Variants in STT3A observed in about 807,000 individuals in gnomAD.
STT3A encodes dolichyl-diphosphooligosaccharide--protein glycosyltransferase subunit STT3A.
In STT3A, 34 loss-of-function variants were observed where a neutral mutation model predicts 89.2. The ratio of observed to expected loss-of-function variants is 0.38; its 90% CI spans 0.29 to 0.51. STT3A has a LOEUF of 0.51. Among genes scored for constraint, STT3A ranks in the 20% least tolerant of loss-of-function variants. STT3A has a pLI of 0.89. For missense variants in STT3A, 555 were observed against 889.5 expected (o/e 0.62, Z 4.78); for synonymous variants, 282 against 310.3 (o/e 0.91, Z 0.96).
chr11:125,598,039 C>T (rs1459620779), intron 3 of STT3A, among the ~76,000 whole-genome samples: 2 of 152,088 alleles, frequency 1.3e-5, no homozygotes, highest in Non-Finnish European at 2.9e-5. Flanking sequence ...TAGTAAAACC[C>T]CATCTCTACT....
chr11:125,611,393 A>C, intron 10 of STT3A, 35 bp from the exon 11 acceptor site: 3 of 1,546,484 alleles, frequency 1.9e-6, no homozygotes, highest in Non-Finnish European at 2.7e-6. Context: ...AACCTACAGG[A>C]CTCAGCTGCT....
In STT3A at chr11:125,602,437, G is replaced by A. The variant is rs560715071; in HGVS notation, c.271+13G>A. The A allele has an allele frequency of 1.3e-6, 2 of 1,558,156 alleles. No homozygotes were observed. Among genetic ancestry groups the A allele is most frequent in the South Asian group, 2.4e-5 (2 of 81,720 alleles). The stretch of plus-strand genomic sequence containing the variant: ...ACAATTTACCCAGGTGAGGAGACCA[G>A]ATGTGTTTTTTTTTTTAAAAAAAAA... On this transcript the variant is annotated intron_variant, in intron 4 of 17. Coordinates refer to ENST00000392708, the MANE Select transcript of STT3A (RefSeq NM_152713.5).
chr11:125,615,786 C>T (rs1940160548), intron 15 of STT3A, among the ~76,000 whole-genome samples: 1 of 152,190 alleles, frequency 6.6e-6, no homozygotes, highest in Non-Finnish European at 1.5e-5. Flanking sequence ...TGCGATGGCT[C>T]ATGCCTGTAA....
chr11:125,618,491 T>A lies in STT3A; in HGVS notation c.1893T>A (p.Ser631=). Residue 631 remains serine (S), a synonymous_variant, in exon 16 of 18, where the codon TCT becomes TCA. Transcript: ENST00000392708. The part of the protein sequence containing the change: ...TGEFRVDREG[S]PVLLNCLMYK... Reference sequence around the variant, plus strand: ...AGTTCCGTGTGGACCGTGAAGGTTCTCCAGTGCTGCTCAACTGCCTCATGT... The same window carrying A: ...AGTTCCGTGTGGACCGTGAAGGTTCACCAGTGCTGCTCAACTGCCTCATGT... The A allele has an allele frequency of 6.2e-7, 1 of 1,614,148 alleles. No homozygotes were observed. Among genetic ancestry groups the A allele is most frequent in the Non-Finnish European group, 8.5e-7 (1 of 1,180,026 alleles).
intron 16 of STT3A, 83 bp downstream of exon 16, chr11:125,618,644 G>C: frequency 7.4e-7 from 1 of 1,349,068 alleles, no homozygotes; most frequent in Non-Finnish European, 1.0e-6. Context: ...CCAAGCACTA[G>C]TAAGTGCTTT....
chr11:125,592,971 G>T (rs2135892676), intron 1 of STT3A, 53 bp downstream of exon 1: 2 of 165,128 alleles, frequency 1.2e-5, no homozygotes, highest in South Asian at 2.5e-4. Flanking sequence ...GCAGTCCATG[G>T]CGTTGATGGG....
At chr11:125,602,047 T>C (rs186181187) in intron 3 of STT3A, among the ~76,000 whole-genome samples, 1 of 152,254 alleles carries the variant, frequency 6.6e-6, no homozygotes, top group Non-Finnish European at 1.5e-5. Flanking sequence ...TCCACCTGCC[T>C]CGGACTCCTA....
At position 125,602,848 on chromosome 11, in the gene STT3A, T is replaced by G; in HGVS notation, c.317T>G (p.Phe106Cys). ...SAAIYHVLHF[F>C]HITIDIRNVC... ...GCAATCTACCATGTACTCCATTTTT[T>G]CCACATCACCATCGACATTCGGAAT... Residue 106 changes from phenylalanine to cysteine, a missense_variant, in exon 5 of 18, where the codon TTC becomes TGC. Coordinates refer to ENST00000392708, the MANE Select transcript of STT3A (RefSeq NM_152713.5). 1 of 1,614,206 alleles carries G rather than the reference T, an allele frequency of 6.2e-7. No homozygotes were observed. The highest frequency in any genetic ancestry group is 8.5e-7 in the Non-Finnish European group (1 of 1,180,026).
intron 1 of STT3A, chr11:125,593,262 G>A (rs1430914252): frequency 6.6e-6 from 1 of 152,404 alleles, no homozygotes. Context: ...GGAAGAAGAG[G>A]GAGGTGGGAC....
chr11:125,598,644 A>G (rs1591370845), intron 3 of STT3A, among the ~76,000 whole-genome samples: 1 of 152,068 alleles, frequency 6.6e-6, no homozygotes, highest in Admixed American at 6.6e-5. Context: ...TCTGACTGTC[A>G]CCCAAGCTGA....
chr11:125,613,036 C>T lies in STT3A; in HGVS notation c.1413C>T (p.Tyr471=). 2 of 1,614,174 alleles carry T rather than the reference C, an allele frequency of 1.2e-6. No homozygotes were observed. The highest frequency in any genetic ancestry group is 1.7e-6 in the Non-Finnish European group (2 of 1,180,028). The change falls in exon 13 of 18, where the codon TAC becomes TAT. Residue 471 remains tyrosine, a synonymous_variant. Transcript: ENST00000392708. The surrounding 1 kb of genome is among the most constrained non-coding windows in gnomAD (Gnocchi z 4.2). ...TCATGGCTTTCTTTCTCATCACCTA[C>T]ACCTTTCATTCAACCTGGGTGACCA... The part of the protein sequence containing the change: ...ILVMAFFLIT[Y]TFHSTWVTSE...
In STT3A at chr11:125,606,250, T is replaced by G. The variant is rs753787896; in HGVS notation, c.616-51T>G. 2.0e-6 allele frequency: 3 copies of G among 1,521,076 alleles called. No homozygotes were observed. The Admixed American group carries it at 5.3e-5, about 27-fold the overall frequency. 94.2% of individuals were successfully genotyped at this position (1,521,076 alleles called of 1,614,324 possible). On this transcript the variant is annotated intron_variant, in intron 7 of 17. Coordinates refer to ENST00000392708, the MANE Select transcript of STT3A (RefSeq NM_152713.5). Reference sequence around the variant, plus strand: ...GTGATATCCTACAATATAGTGGTGGTGGTCTGAGGAGGCATACTCAGAGGA... The same window carrying G: ...GTGATATCCTACAATATAGTGGTGGGGGTCTGAGGAGGCATACTCAGAGGA...
chr11:125,605,322 T>C (rs1939799796), intron 6 of STT3A, among the ~76,000 whole-genome samples: 1 of 152,162 alleles, frequency 6.6e-6, no homozygotes, highest in Non-Finnish European at 1.5e-5. Flanking sequence ...TTTAGAACTA[T>C]ACTAGCAGGA....
intron 1 of STT3A, chr11:125,595,061 GA>G (rs57986207): frequency 6.6e-6 from 1 of 151,852 alleles, no homozygotes. Flanking sequence ...ATTTGGAAAA[GA>G]AAAAAGTTTA....
chr11:125,618,671 T>G, intron 16 of STT3A, 110 bp downstream of exon 16: 1 of 1,087,298 alleles, frequency 9.2e-7, no homozygotes, highest in Non-Finnish European at 1.3e-6. Context: ...GTTAACTCAT[T>G]TAATCCTCAC....
At chr11:125,616,683 CATT>C (rs1940189302) in intron 15 of STT3A, among the ~76,000 whole-genome samples, 1 of 152,042 alleles carries the variant, frequency 6.6e-6, no homozygotes, top group Non-Finnish European at 1.5e-5. Context: ...TCATCATCAT[CATT>C]ATTGTTTTTG....
Position 125,608,241 on chromosome 11 carries a change from CT to C in STT3A, c.914del (p.Leu305ArgfsTer2). On this transcript the variant is annotated frameshift_variant, in exon 9 of 18. Coordinates refer to ENST00000392708, the MANE Select transcript of STT3A (RefSeq NM_152713.5). LOFTEE classifies it high-confidence loss of function. ...FEVLFRSVISLVGFVLLTVGA... is the reference protein window; with the variant it reads ...FEVLFRSVISXVGFVLLTVGA... ...AGTTCTTTTCCGGAGCGTCATCTCTCTGGTAGGCTTTGTCCTTCTCACCGTG... is the reference window on the plus strand; with the variant it reads ...AGTTCTTTTCCGGAGCGTCATCTCTCGGTAGGCTTTGTCCTTCTCACCGTG... 6.2e-7 allele frequency: 1 copy of C among 1,614,188 alleles called. No individual in the cohort carries two copies. The highest frequency in any genetic ancestry group is 8.5e-7 in the Non-Finnish European group (1 of 1,180,014).
intron 2 of STT3A, among the ~76,000 whole-genome samples, 199 bp downstream of exon 2, chr11:125,596,202 C>T (rs923060655): frequency 6.6e-6 from 1 of 152,144 alleles, no homozygotes; most frequent in Non-Finnish European, 1.5e-5. Context: ...CAGTGGTTCA[C>T]GCCTGTAATC....
intron 15 of STT3A, among the ~76,000 whole-genome samples, chr11:125,615,151 T>C (rs1200165614): frequency 2.0e-5 from 3 of 151,950 alleles, no homozygotes; most frequent in African/African-American, 7.3e-5. Flanking sequence ...CCTGTAGTCT[T>C]AGCTACTCAG....
Sources: allele counts gnomAD v4.1 joint callset (sites outside exome capture counted in the v4.1 genomes callset), GRCh38; gene constraint gnomAD v4.1.1; non-coding constraint Gnocchi (gnomAD v3.1); transcripts MANE v1.5; gene names NCBI Gene and HGNC (gene_info 2026-07-23, HGNC 2026-07-21).